The following MAP3K21 variants were observed in gnomAD, a reference collection of about 807,000 sequenced individuals.
The protein encoded by MAP3K21 is mitogen-activated protein kinase kinase kinase MLK4.
Under a neutral mutation model 86.1 loss-of-function variants are expected in MAP3K21, and 63 were observed. The ratio of observed to expected loss-of-function variants is 0.73; its 90% CI spans 0.60 to 0.90. The LOEUF (loss-of-function observed/expected upper bound fraction) is 0.90. Among genes scored for constraint, MAP3K21 ranks in the 40% least tolerant of loss-of-function variants. The pLI is 0.00. For synonymous variants in MAP3K21, 558 were observed against 564.8 expected, an observed-to-expected ratio of 0.99 and a Z score of 0.17; for missense variants, 1,220 against 1,367.7, an observed-to-expected ratio of 0.89 and a Z score of 1.70.
At chr1:233,376,368 C>G in intron 7 of MAP3K21, 62 bp from the exon 8 acceptor site, 3 of 1,236,826 alleles carry the variant, frequency 2.4e-6, no homozygotes, top group Non-Finnish European at 3.5e-6. Flanking sequence ...CTGTATCCAC[C>G]AAAACCTAAT....
At chr1:233,347,313 A>G (rs920278358) in intron 2 of MAP3K21, among the ~76,000 whole-genome samples, 1 of 152,232 alleles carries the variant, frequency 6.6e-6, no homozygotes, top group Non-Finnish European at 1.5e-5. Context: ...CATCATCTAA[A>G]GATTAAAGTC....
At chr1:233,339,304 C>CTCT (rs1159949780) in intron 1 of MAP3K21, among the ~76,000 whole-genome samples, 8 of 64,280 alleles carry the variant, frequency 1.2e-4, no homozygotes, top group African/African-American at 1.9e-4. Context: ...CTTCTTCTTC[C>CTCT]TCTTCTTCTT....
chr1:233,379,654 C>A lies in MAP3K21; in HGVS notation c.2648C>A (p.Ser883Ter). ...GGGAATGTACCTTACTGTGCTTCTT[C>A]AAAACATAGACCGTCACATCACAGA... ...TCGNVPYCAS[S>*]KHRPSHHRRT... is the part of the protein sequence containing the mutation. Residue 883 changes from serine to a stop codon, truncating the protein, a stop_gained, in exon 9 of 10, where the codon TCA becomes TAA. Coordinates refer to ENST00000366624, the MANE Select transcript of MAP3K21 (RefSeq NM_032435.3). LOFTEE classifies it high-confidence loss of function. 1 of 1,613,912 alleles carries A rather than the reference C, an allele frequency of 6.2e-7. No homozygotes were observed. The highest frequency in any genetic ancestry group is 8.5e-7 in the Non-Finnish European group (1 of 1,180,030).
chr1:233,338,761 G>T (rs915538433), intron 1 of MAP3K21, among the ~76,000 whole-genome samples: 14 of 152,166 alleles, frequency 9.2e-5, no homozygotes, highest in African/African-American at 3.4e-4. Context: ...GGCCCTACAG[G>T]GTCTTTGACT....
intron 4 of MAP3K21, among the ~76,000 whole-genome samples, chr1:233,359,681 G>A (rs577219736): frequency 6.6e-6 from 1 of 152,308 alleles, no homozygotes; most frequent in Non-Finnish European, 1.5e-5. Context: ...CCCACACAGA[G>A]GCATGCCACC....
intron 4 of MAP3K21, among the ~76,000 whole-genome samples, chr1:233,358,756 C>T (rs1489729024): frequency 1.3e-5 from 2 of 151,770 alleles, no homozygotes; most frequent in Non-Finnish European, 2.9e-5. Flanking sequence ...GACTAAACTG[C>T]TGCACTCCAG....
At position 233,376,421 on chromosome 1, in the gene MAP3K21, C is replaced by T; in HGVS notation, c.1827-9C>T. On this transcript the variant is annotated splice_polypyrimidine_tract_variant and intron_variant, in intron 7 of 9. Coordinates refer to ENST00000366624, the MANE Select transcript of MAP3K21 (RefSeq NM_032435.3). Reference sequence around the variant, plus strand: ...CTATCTTATGAAAAGAAACATTTTTCTCTTGTAGGATAAGACCTCTCTCCG... The same window carrying T: ...CTATCTTATGAAAAGAAACATTTTTTTCTTGTAGGATAAGACCTCTCTCCG... The T allele has an allele frequency of 6.3e-7, 1 of 1,592,518 alleles. No homozygotes were observed. The highest frequency in any genetic ancestry group is 8.6e-7 in the Non-Finnish European group (1 of 1,161,530).
rs779186370 is a variant in MAP3K21 at position 233,362,065 on chromosome 1, C to T, written c.1324C>T (p.Arg442Trp). 11 of 1,611,850 alleles carry T rather than the reference C, an allele frequency of 6.8e-6. No homozygotes were observed. In the African/African-American group the frequency reaches 8.0e-5, roughly 12 times the overall value. ...LRTKEKELRS[R>W]EEELTRAALQ... ...ATCTGTGTCGCAGGAGCTGCGATCC[C>T]GGGAAGAGGAGCTGACTCGGGCGGC... Residue 442 changes from arginine to tryptophan, a missense_variant, in exon 5 of 10, where the codon CGG (arginine) becomes TGG (tryptophan). By Grantham distance (101) the Arg-to-Trp change is moderately radical. Coordinates refer to ENST00000366624, the MANE Select transcript of MAP3K21 (RefSeq NM_032435.3).
At chr1:233,344,333 C>T (rs1395866526) in intron 1 of MAP3K21, among the ~76,000 whole-genome samples, 2 of 152,168 alleles carry the variant, frequency 1.3e-5, no homozygotes, top group Non-Finnish European at 2.9e-5. Flanking sequence ...TCAAACTATA[C>T]TACAAGCCTA....
At chr1:233,357,982 G>A (rs1381374483) in intron 4 of MAP3K21, among the ~76,000 whole-genome samples, 1 of 151,900 alleles carries the variant, frequency 6.6e-6, no homozygotes, top group Non-Finnish European at 1.5e-5. Flanking sequence ...TGAAAAATAT[G>A]ATAGACCTCC....
chr1:233,358,473 G>T (rs201847865), intron 4 of MAP3K21, among the ~76,000 whole-genome samples: 200 of 141,524 alleles, frequency 1.4e-3, no homozygotes, highest in Middle Eastern at 3.7e-3. Flanking sequence ...ACTCTAATTT[G>T]TTTTTTTTTT....
Position 233,354,855 on chromosome 1 carries a change from T to G in MAP3K21, c.1155T>G (p.Pro385=). The G allele has an allele frequency of 6.2e-7, 1 of 1,614,044 alleles. No individual in the cohort carries two copies. The highest frequency in any genetic ancestry group is 8.5e-7 in the Non-Finnish European group (1 of 1,179,956). Residue 385 remains proline, a synonymous_variant, in exon 4 of 10, where the codon CCT becomes CCG. Coordinates refer to ENST00000366624, the MANE Select transcript of MAP3K21 (RefSeq NM_032435.3). ...KLMKECWQQD[P]HIRPSFALIL... is the part of the protein sequence containing the mutation. ...TTTTAGAATGCTGGCAACAAGACCC[T>G]CATATTCGTCCATCGTTTGCCTTAA... is the stretch of plus-strand genomic sequence containing the variant.
At chr1:233,360,871 A>T (rs1352746940) in intron 4 of MAP3K21, among the ~76,000 whole-genome samples, 1 of 152,224 alleles carries the variant, frequency 6.6e-6, no homozygotes, top group Non-Finnish European at 1.5e-5. Flanking sequence ...TATATAAAGT[A>T]GGAAATGTTT....
In MAP3K21 at chr1:233,328,614, C is replaced by T. The variant is rs1204891905; in HGVS notation, c.586C>T (p.Leu196Phe). 6 of 1,499,530 alleles carry T rather than the reference C, an allele frequency of 4.0e-6. No individual in the cohort carries two copies. Among genetic ancestry groups the T allele is most frequent in the Admixed American group, 2.2e-5 (1 of 45,002 alleles). 92.9% of individuals were successfully genotyped at this position (1,499,530 alleles called of 1,614,324 possible). ...CGGCGTGTGCCTGCAGCAGCCGCAC[C>T]TCTGCCTGGTGCTGGAGTTCGCCCG... Reference protein sequence around the residue: ...LRGVCLQQPHLCLVLEFARGG... With the variant: ...LRGVCLQQPHFCLVLEFARGG... Residue 196 changes from leucine (L) to phenylalanine (F), a missense_variant, in exon 1 of 10, where the codon CTC becomes TTC. By Grantham distance (22) the Leu-to-Phe change is conservative. This residue lies in a region of MAP3K21 where 369 missense variants were observed against 385.3 expected (regional missense o/e 0.96). Coordinates refer to ENST00000366624, the MANE Select transcript of MAP3K21 (RefSeq NM_032435.3). The surrounding 1 kb of genome is among the most constrained non-coding windows in gnomAD (Gnocchi z 8.7).
At chr1:233,373,881 A>G (rs953355505) in intron 6 of MAP3K21, 2 of 152,334 alleles carry the variant, frequency 1.3e-5, no homozygotes, top group Non-Finnish European at 2.9e-5. Flanking sequence ...TGTGGAAACA[A>G]AAGAGAAACC....
chr1:233,350,424 C>T (rs916379467), intron 2 of MAP3K21, among the ~76,000 whole-genome samples: 7 of 152,110 alleles, frequency 4.6e-5, no homozygotes, highest in Non-Finnish European at 8.8e-5. Context: ...GTAGGATATC[C>T]GGATGGGCAA....
chr1:233,345,422 G>A lies in MAP3K21; in HGVS notation c.806-1020G>A, dbSNP rs574313373. On this transcript the variant is annotated intron_variant, in intron 1 of 9. Coordinates refer to ENST00000366624, the MANE Select transcript of MAP3K21 (RefSeq NM_032435.3). ...CAGCCGTAAAAAAGGATGAGTTCAT[G>A]TCCTTTGCAGGGACATGGATGAAGA... Among the ~76,000 whole-genome samples the A allele has an allele frequency of 7.9e-5, 12 of 152,240 alleles. No homozygotes were observed. The South Asian group carries it at 2.5e-3, about 32-fold the overall frequency.
intron 6 of MAP3K21, chr1:233,373,071 C>T (rs1327929938): frequency 1.3e-5 from 2 of 152,004 alleles, no homozygotes; most frequent in South Asian, 2.1e-4. Context: ...TGCAAGTTCT[C>T]GGACACCAGG....
chr1:233,363,449 G>A (rs1663505659), intron 5 of MAP3K21, among the ~76,000 whole-genome samples: 1 of 152,172 alleles, frequency 6.6e-6, no homozygotes. Context: ...TGTAATCGCG[G>A]CACTTTGGTT....
Sources: allele counts gnomAD v4.1 joint callset (sites outside exome capture counted in the v4.1 genomes callset), GRCh38; gene constraint gnomAD v4.1.1; regional missense constraint gnomAD v4.1.1; non-coding constraint Gnocchi (gnomAD v3.1); transcripts MANE v1.5; gene names NCBI Gene and HGNC (gene_info 2026-07-23, HGNC 2026-07-21).